Variants in CERS6 observed in about 807,000 individuals in gnomAD.
CERS6 encodes the protein LAG1 homolog, ceramide synthase 6.
CERS6 carries 26 observed loss-of-function variants against 56.8 expected under a neutral mutation model. That is an observed-to-expected ratio of 0.46 (90% CI 0.34 to 0.63). The LOEUF (loss-of-function observed/expected upper bound fraction) is 0.63. Among genes scored for constraint, CERS6 ranks in the 30% least tolerant of loss-of-function variants. CERS6 has a pLI of 0.01. For missense variants in CERS6, 415 were observed against 467.5 expected (o/e 0.89, Z 1.04); for synonymous variants, 164 against 173.3 (o/e 0.95, Z 0.42).
intron 4 of CERS6, among the ~76,000 whole-genome samples, chr2:168,634,400 G>T (rs1465191021): frequency 1.3e-5 from 2 of 151,972 alleles, no homozygotes; most frequent in African/African-American, 4.8e-5. Context: ...TGATCATGTG[G>T]GGTTTTTGTT....
intron 3 of CERS6, among the ~76,000 whole-genome samples, chr2:168,588,245 T>C (rs1041963539): frequency 6.6e-6 from 1 of 152,074 alleles, no homozygotes; most frequent in Admixed American, 6.6e-5. Flanking sequence ...TGTGGCAAAA[T>C]AGACATAGCA....
chr2:168,700,335 G>A (rs1686774426), intron 6 of CERS6, among the ~76,000 whole-genome samples: 1 of 152,134 alleles, frequency 6.6e-6, no homozygotes, highest in East Asian at 1.9e-4. Flanking sequence ...AATCTTACGA[G>A]GAAGCAGCAT....
chr2:168,520,467 C>T (rs1367458260), intron 1 of CERS6, among the ~76,000 whole-genome samples: 1 of 151,740 alleles, frequency 6.6e-6, no homozygotes, highest in Non-Finnish European at 1.5e-5. Flanking sequence ...ATTTTTGTTG[C>T]GTTTGCTTTT....
At chr2:168,481,341 G>T (rs1694174337) in intron 1 of CERS6, among the ~76,000 whole-genome samples, 1 of 152,176 alleles carries the variant, frequency 6.6e-6, no homozygotes, top group South Asian at 2.1e-4. Flanking sequence ...TGTGAACCTG[G>T]AGGCGGAGCT....
chr2:168,481,446 G>A (rs573455032), intron 1 of CERS6, among the ~76,000 whole-genome samples: 2 of 152,228 alleles, frequency 1.3e-5, no homozygotes, highest in East Asian at 3.9e-4. Context: ...GTCATCAGCC[G>A]CAAGCTGACT....
At chr2:168,568,976 A>G (rs1466491402) in intron 3 of CERS6, among the ~76,000 whole-genome samples, 1 of 152,266 alleles carries the variant, frequency 6.6e-6, no homozygotes, top group African/African-American at 2.4e-5. Flanking sequence ...TAAGAAATAC[A>G]TAGCTACTAC....
At chr2:168,643,973 C>G (rs1033453568) in intron 4 of CERS6, among the ~76,000 whole-genome samples, 12 of 152,228 alleles carry the variant, frequency 7.9e-5, no homozygotes, top group Non-Finnish European at 1.5e-4. Flanking sequence ...CTACTGGTGT[C>G]TCCTGATCTC....
intron 1 of CERS6, among the ~76,000 whole-genome samples, chr2:168,475,240 A>G (rs1694047688): frequency 6.6e-6 from 1 of 152,166 alleles, no homozygotes; most frequent in South Asian, 2.1e-4. Context: ...AAGTGCCACG[A>G]ACACTCATAT....
intron 3 of CERS6, among the ~76,000 whole-genome samples, chr2:168,591,734 C>T (rs1357353113): frequency 2.6e-5 from 4 of 152,136 alleles, no homozygotes; most frequent in Non-Finnish European, 5.9e-5. Flanking sequence ...TATAAAGATG[C>T]ATAAAAACAG....
chr2:168,531,127 A>G (rs1187616904), intron 1 of CERS6, among the ~76,000 whole-genome samples: 9 of 152,192 alleles, frequency 5.9e-5, no homozygotes, highest in Admixed American at 5.9e-4. Flanking sequence ...TGGAAGAGAG[A>G]AGAATGCAAG....
intron 8 of CERS6, among the ~76,000 whole-genome samples, chr2:168,734,754 A>G (rs1384959228): frequency 6.6e-6 from 1 of 152,244 alleles, no homozygotes; most frequent in African/African-American, 2.4e-5. Context: ...AACAAAAGCA[A>G]CTAGGTTTAT....
At chr2:168,676,999 C>CTTTTTTTTTTTTTTTGGGGTT (rs59600302) in intron 4 of CERS6, among the ~76,000 whole-genome samples, 2 of 96,700 alleles carry the variant, frequency 2.1e-5, no homozygotes, top group African/African-American at 3.8e-5. Flanking sequence ...TTTTTTGGGG[C>CTTTTTTTTTTTTTTTGGGGTT]TTTTTTTTTT....
chr2:168,596,408 G>A (rs1559013497), intron 3 of CERS6, among the ~76,000 whole-genome samples: 1 of 152,172 alleles, frequency 6.6e-6, no homozygotes, highest in Non-Finnish European at 1.5e-5. Context: ...TCCAGAAATT[G>A]TTCAGGGAAA....
intron 9 of CERS6, among the ~76,000 whole-genome samples, chr2:168,769,052 ATTTT>A (rs199817924): frequency 6.7e-6 from 1 of 149,702 alleles, no homozygotes; most frequent in East Asian, 2.0e-4. Context: ...CCAAATAGGA[ATTTT>A]TTTTTTTCAG....
At chr2:168,609,837 G>A (rs1684140505) in intron 3 of CERS6, among the ~76,000 whole-genome samples, 1 of 152,020 alleles carries the variant, frequency 6.6e-6, no homozygotes, top group Non-Finnish European at 1.5e-5. Flanking sequence ...GTTTTAACAG[G>A]GCTTAACAGG....
chr2:168,548,759 C>A (rs1289872150), intron 2 of CERS6, among the ~76,000 whole-genome samples: 3 of 152,180 alleles, frequency 2.0e-5, no homozygotes, highest in Non-Finnish European at 4.4e-5. Flanking sequence ...TTCATTTCTT[C>A]CAAAATTCTC....
intron 3 of CERS6, among the ~76,000 whole-genome samples, chr2:168,614,702 A>G (rs191460144): frequency 6.6e-6 from 1 of 152,202 alleles, no homozygotes; most frequent in Admixed American, 6.5e-5. Context: ...CATCCCCCAT[A>G]GCAGCTGCAG....
chr2:168,669,008 C>T (rs1230355260), intron 4 of CERS6, among the ~76,000 whole-genome samples: 4 of 152,192 alleles, frequency 2.6e-5, no homozygotes, highest in Non-Finnish European at 5.9e-5. Context: ...ATGTCCCTCG[C>T]TGTTCCTCTC....
At chr2:168,662,914 G>A (rs1400791431) in intron 4 of CERS6, among the ~76,000 whole-genome samples, 1 of 152,192 alleles carries the variant, frequency 6.6e-6, no homozygotes, top group Non-Finnish European at 1.5e-5. Context: ...GCCATGAAGA[G>A]AAGTCAGGCA....
Sources: allele counts gnomAD v4.1 joint callset (sites outside exome capture counted in the v4.1 genomes callset), GRCh38; gene constraint gnomAD v4.1.1; transcripts MANE v1.5; gene names NCBI Gene and HGNC (gene_info 2026-07-23, HGNC 2026-07-21).